The following CLPTM1L variants were observed in gnomAD, a reference collection of about 807,000 sequenced individuals.
CLPTM1L encodes CLPTM1 like.
Under a neutral mutation model 70.9 loss-of-function variants are expected in CLPTM1L, and 38 were observed. That is an observed-to-expected ratio of 0.54 (90% CI 0.41 to 0.70). CLPTM1L has a LOEUF of 0.70. Ranked by LOEUF, CLPTM1L falls within the 30% of genes least tolerant of loss-of-function variation. The probability of loss-of-function intolerance (pLI) is 0.00; values close to 1 mark genes in which losing one functional copy is unlikely to be tolerated. For synonymous variants in CLPTM1L, 339 were observed against 299.9 expected (o/e 1.13, Z -1.35); for missense variants, 652 against 705.9 (o/e 0.92, Z 0.87).
chr5:1,339,586 A>G (rs61255516), intron 3 of CLPTM1L, among the ~76,000 whole-genome samples: 1 of 116,550 alleles, frequency 8.6e-6, no homozygotes, highest in African/African-American at 3.6e-5. Flanking sequence ...CAGGGTCGGC[A>G]CCCTAACCTG....
intron 5 of CLPTM1L, among the ~76,000 whole-genome samples, chr5:1,335,906 G>A (rs1240764360): frequency 1.3e-5 from 2 of 148,254 alleles, no homozygotes; most frequent in East Asian, 1.9e-4. Context: ...AACATCCAGC[G>A]AGGGCTGTGC....
chr5:1,343,374 T>G lies in CLPTM1L; in HGVS notation c.263+977A>C, dbSNP rs1332753312. On this transcript the variant is annotated intron_variant, in intron 2 of 16. Coordinates refer to ENST00000320895, the MANE Select transcript of CLPTM1L (RefSeq NM_030782.5). ...CTTGGAGACACTTGAGGCGGAGCTG[T>G]GTTAAGAGTGCTCATTCTCCCCACT... Among the ~76,000 whole-genome samples the G allele has an allele frequency of 2.6e-5, 4 of 152,150 alleles. No homozygotes were observed. The East Asian group carries it at 7.7e-4, about 29-fold the overall frequency.
chr5:1,340,033 C>T (rs1262580472), intron 3 of CLPTM1L, among the ~76,000 whole-genome samples: 1 of 152,238 alleles, frequency 6.6e-6, no homozygotes, highest in Non-Finnish European at 1.5e-5. Context: ...GCAGAGAGGG[C>T]ACAGCGGCCC....
At chr5:1,336,763 C>G (rs532413449) in intron 5 of CLPTM1L, among the ~76,000 whole-genome samples, 2 of 152,290 alleles carry the variant, frequency 1.3e-5, no homozygotes, top group African/African-American at 4.8e-5. Flanking sequence ...CCCCAGCCTG[C>G]AGGTTGTATA....
Position 1,318,263 on chromosome 5 carries a change from T to C in CLPTM1L, c.*106A>G. ...GATGTCTGAGAAATGTCCGAAGGGA[T>C]TTTGGCAACACAGAAAACGCAATGT... is the stretch of plus-strand genomic sequence containing the variant. On this transcript the variant is annotated 3_prime_UTR_variant, in exon 17 of 17. Transcript: ENST00000320895. This position sits in a 1 kb window ranked among gnomAD's most constrained non-coding sequence, Gnocchi z 8.9. 1.1e-6 allele frequency: 1 copy of C among 883,022 alleles called. No individual in the cohort carries two copies. Among genetic ancestry groups the C allele is most frequent in the Non-Finnish European group, 1.8e-6 (1 of 549,420 alleles). The allele number at this position is 883,022 out of a possible 1,614,324, so 54.7% of individuals were successfully genotyped here.
chr5:1,338,756 C>G (rs1753743670), intron 4 of CLPTM1L, 104 bp downstream of exon 4: 6 of 1,401,568 alleles, frequency 4.3e-6, no homozygotes, highest in South Asian at 3.8e-5. Context: ...AGTGCCTCCC[C>G]ACAGAGGGGA....
chr5:1,339,120 C>CG, intron 3 of CLPTM1L, 115 bp from the exon 4 acceptor site: 1 of 1,263,290 alleles, frequency 7.9e-7, no homozygotes, highest in Non-Finnish European at 1.1e-6. Context: ...AAACTGTGCC[C>CG]GGGACAGCAG....
rs140891616 is a variant in CLPTM1L at position 1,341,592 on chromosome 5, G to C, written c.453+79C>G. 1.0e-4 allele frequency: 134 copies of C among 1,276,574 alleles called. No individual in the cohort carries two copies. In the African/African-American group the frequency reaches 1.9e-3, roughly 18 times the overall value. The allele number at this position is 1,276,574 out of a possible 1,614,324, so 79.1% of individuals were successfully genotyped here. On this transcript the variant is annotated intron_variant, in intron 3 of 16. Coordinates refer to ENST00000320895, the MANE Select transcript of CLPTM1L (RefSeq NM_030782.5). ...CAAAGTCACTGGAGCCCTAGACATC[G>C]CCCACCTGTGTGGAGAAAGACATGT...
intron 9 of CLPTM1L, among the ~76,000 whole-genome samples, chr5:1,327,769 T>G (rs373989467): frequency 6.7e-6 from 1 of 149,946 alleles, no homozygotes; most frequent in Non-Finnish European, 1.5e-5. Flanking sequence ...GCTCCTCCTC[T>G]ACAGGGACAT....
rs1408771270 is a variant in CLPTM1L at position 1,328,187 on chromosome 5, CCATCCAGCTCCTCCTCTACAGACACATTT to C, written c.1080+2064_1080+2092del. Among the ~76,000 whole-genome samples the C allele has an allele frequency of 4.8e-4, 33 of 69,324 alleles. 1 individual carries two copies. The highest frequency in any genetic ancestry group is 3.1e-3 in the South Asian group (4 of 1,304). The allele number at this position is 69,324 out of a possible 152,430, so 45.5% of individuals were successfully genotyped here. On this transcript the variant is annotated intron_variant, in intron 9 of 16. Coordinates refer to ENST00000320895, the MANE Select transcript of CLPTM1L (RefSeq NM_030782.5). The stretch of plus-strand genomic sequence containing the variant: ...CCAGCTCCTCCTCTACAGACACATT[CCATCCAGCTCCTCCTCTACAGACACATTT>C]CATCCAGCTCCTCCTCTGCAGACAC...
rs1561235018 is a variant in CLPTM1L, at chr5:1,327,288, TCATCCAGCTCCTCCTCTACAGACACATTC to T, written c.1081-1501_1081-1473del. Among the ~76,000 whole-genome samples, 28 of 93,944 alleles carry T rather than the reference TCATCCAGCTCCTCCTCTACAGACACATTC, an allele frequency of 3.0e-4. No homozygotes were observed. In the South Asian group the frequency reaches 3.0e-3, roughly 10 times the overall value. The allele number at this position is 93,944 out of a possible 152,430, so 61.6% of individuals were successfully genotyped here. A position where few individuals can be genotyped will look rare whatever the true frequency, so the allele number is the denominator to read the frequency against. ...CCAGCTCCTCCTCTACAGGGACATT[TCATCCAGCTCCTCCTCTACAGACACATTC>T]CATCCAGCTCCTCCTCTACAGACAC... On this transcript the variant is annotated intron_variant, in intron 9 of 16. Coordinates refer to ENST00000320895, the MANE Select transcript of CLPTM1L (RefSeq NM_030782.5).
rs535921471 is a variant in CLPTM1L at position 1,334,366 on chromosome 5, C to G, written c.814G>C (p.Ala272Pro). Residue 272 changes from alanine (A) to proline (P), a missense_variant, in exon 7 of 17, where the codon GCT becomes CCT. Physicochemically the swap from Ala to Pro is conservative, Grantham distance 27 (BLOSUM62 -1). Around this residue, in one of 3 missense-constraint regions of CLPTM1L, gnomAD observed 402 missense variants for 388.2 expected, o/e 1.04. Transcript: ENST00000320895. ...LQQFGFSEKD[A>P]DEVKGIFVDT... ...ACAAAAATTCCTTTCACCTCATCAG[C>G]ATCTTTCTCTGAAAACCCTGTCAAG... 1 of 1,606,076 alleles carries G rather than the reference C, an allele frequency of 6.2e-7. No homozygotes were observed. The highest frequency in any genetic ancestry group is 1.1e-5 in the South Asian group (1 of 90,502).
intron 3 of CLPTM1L, among the ~76,000 whole-genome samples, chr5:1,341,309 C>T (rs1483626606): frequency 6.6e-6 from 1 of 152,240 alleles, no homozygotes; most frequent in African/African-American, 2.4e-5. Flanking sequence ...ATGAGCCCAG[C>T]TCTCATCCCC....
chr5:1,335,086 T>C lies in CLPTM1L; in HGVS notation c.767A>G (p.Gln256Arg). 2 of 1,613,526 alleles carry C rather than the reference T, an allele frequency of 1.2e-6. No homozygotes were observed. The highest frequency in any genetic ancestry group is 1.7e-6 in the Non-Finnish European group (2 of 1,180,004). Residue 256 changes from glutamine to arginine, a missense_variant, in exon 6 of 17, where the codon CAG becomes CGG. Around this residue, in one of 3 missense-constraint regions of CLPTM1L, gnomAD observed 402 missense variants for 388.2 expected, o/e 1.04. Coordinates refer to ENST00000320895, the MANE Select transcript of CLPTM1L (RefSeq NM_030782.5). ...LGRLRFWIHM[Q>R]DAVYSLQQFG... is the part of the protein sequence containing the mutation. ...CTGCTGCAGGGAGTACACGGCGTCCTGCATGTGGATCCAGAAGCGCAGCCG... is the reference window on the plus strand; with the variant it reads ...CTGCTGCAGGGAGTACACGGCGTCCCGCATGTGGATCCAGAAGCGCAGCCG...
In CLPTM1L at chr5:1,335,116, A is replaced by G; in HGVS notation, c.737T>C (p.Leu246Pro). ...PLTVSYDKVS[L>P]GRLRFWIHMQ... ...GTGGATCCAGAAGCGCAGCCGCCCC[A>G]GTGAGACCTTGTCGTAGGACACGGT... Residue 246 changes from leucine to proline, a missense_variant, in exon 6 of 17, where the codon CTG (leucine) becomes CCG (proline). Coordinates refer to ENST00000320895, the MANE Select transcript of CLPTM1L (RefSeq NM_030782.5). 6.2e-7 allele frequency: 1 copy of G among 1,613,702 alleles called. No individual in the cohort carries two copies. Among genetic ancestry groups the G allele is most frequent in the Non-Finnish European group, 8.5e-7 (1 of 1,180,022 alleles).
At chr5:1,321,593 CT>C (rs1193827553) in intron 15 of CLPTM1L, 41 bp downstream of exon 15, 1 of 1,591,622 alleles carries the variant, frequency 6.3e-7, no homozygotes, top group Non-Finnish European at 8.6e-7. Context: ...TGCTCACGCT[CT>C]GCTCAGTGAG....
intron 7 of CLPTM1L, among the ~76,000 whole-genome samples, chr5:1,333,788 C>G (rs1426632431): frequency 1.3e-5 from 2 of 151,410 alleles, no homozygotes; most frequent in Non-Finnish European, 3.0e-5. Flanking sequence ...GGGGGGACTA[C>G]TGTATACACA....
Position 1,335,111 on chromosome 5 carries a change from GC to G in CLPTM1L, c.741del (p.Arg248GlyfsTer28). 1 of 1,613,668 alleles carries G rather than the reference GC, an allele frequency of 6.2e-7. No homozygotes were observed. The highest frequency in any genetic ancestry group is 8.5e-7 in the Non-Finnish European group (1 of 1,180,020). ...LTVSYDKVSL[G>X]RLRFWIHMQD... Reference sequence around the variant, plus strand: ...TGCATGTGGATCCAGAAGCGCAGCCGCCCCAGTGAGACCTTGTCGTAGGACA... The same window carrying G: ...TGCATGTGGATCCAGAAGCGCAGCCGCCCAGTGAGACCTTGTCGTAGGACA... On this transcript the variant is annotated frameshift_variant, in exon 6 of 17. Coordinates refer to ENST00000320895, the MANE Select transcript of CLPTM1L (RefSeq NM_030782.5). LOFTEE classifies it high-confidence loss of function.
chr5:1,333,338 T>C (rs1753275406), intron 7 of CLPTM1L, among the ~76,000 whole-genome samples: 1 of 118,642 alleles, frequency 8.4e-6, no homozygotes, highest in Non-Finnish European at 1.6e-5. Flanking sequence ...GGGACTATTG[T>C]ATACACACCA....
Sources: gnomAD v4.1 joint callset for allele counts (sites outside exome capture counted in the v4.1 genomes callset) on GRCh38, gnomAD v4.1.1 for gene constraint, gnomAD v4.1.1 regional missense constraint, Gnocchi (gnomAD v3.1) non-coding constraint, MANE v1.5 for transcripts, NCBI Gene and HGNC (gene_info 2026-07-23, HGNC 2026-07-21) for gene names.